The following RXFP2 variants were observed in gnomAD, a reference collection of about 807,000 sequenced individuals.
RXFP2 encodes relaxin family peptide receptor 2, also known as relaxin receptor 2.
In RXFP2, 68 loss-of-function variants were observed where a neutral mutation model predicts 88.6. The observed-to-expected ratio is 0.77, with a 90% CI of 0.63 to 0.94. The LOEUF (loss-of-function observed/expected upper bound fraction) is 0.94, where lower values mean the gene tolerates loss of function less well. Among genes scored for constraint, RXFP2 ranks in the 40% least tolerant of loss-of-function variants. RXFP2 has a pLI of 0.00. For synonymous variants in RXFP2, 329 were observed against 306.8 expected (o/e 1.07, Z -0.76); for missense variants, 791 against 893.9 (o/e 0.88, Z 1.47).
intron 13 of RXFP2, among the ~76,000 whole-genome samples, chr13:31,787,937 G>A (rs778332498): frequency 3.3e-5 from 5 of 152,188 alleles, no homozygotes; most frequent in African/African-American, 7.2e-5. Flanking sequence ...CACCGTGCCT[G>A]CCCAGTCTTT....
chr13:31,768,305 C>T (rs987254264), intron 5 of RXFP2, among the ~76,000 whole-genome samples: 8 of 152,198 alleles, frequency 5.3e-5, no homozygotes, highest in Non-Finnish European at 1.0e-4. Context: ...ATGAGACTCT[C>T]ATCAATAAAC....
chr13:31,741,263 C>T (rs756402255), intron 1 of RXFP2, among the ~76,000 whole-genome samples: 1 of 152,008 alleles, frequency 6.6e-6, no homozygotes, highest in Admixed American at 6.5e-5. Context: ...ACCAACCTAA[C>T]AAATATTTAT....
chr13:31,790,651 C>T (rs754645223), intron 14 of RXFP2, among the ~76,000 whole-genome samples: 2 of 152,098 alleles, frequency 1.3e-5, no homozygotes, highest in Non-Finnish European at 2.9e-5. Context: ...CTTTGGGAAC[C>T]AGAGAGTAAA....
At chr13:31,764,459 T>A (rs1872458196) in intron 3 of RXFP2, among the ~76,000 whole-genome samples, 1 of 152,216 alleles carries the variant, frequency 6.6e-6, no homozygotes, top group African/African-American at 2.4e-5. Flanking sequence ...GCTTTGCAGC[T>A]TTTTACCTTC....
chr13:31,777,571 C>G (rs1482130055), intron 8 of RXFP2, 124 bp downstream of exon 8: 1 of 700,400 alleles, frequency 1.4e-6, no homozygotes, highest in Non-Finnish European at 2.5e-6. Flanking sequence ...AAAACTTCTC[C>G]TGTGTTTCCA....
At chr13:31,800,184 G>A (rs9549181) in intron 17 of RXFP2, among the ~76,000 whole-genome samples, 21,859 of 152,050 alleles carry the variant, frequency 0.14, 1,553 homozygotes, top group Middle Eastern at 0.19. Context: ...AACCAACCCT[G>A]TCCCCACCCT....
At chr13:31,777,912 T>G (rs888137771) in intron 8 of RXFP2, among the ~76,000 whole-genome samples, 3 of 152,228 alleles carry the variant, frequency 2.0e-5, no homozygotes. Flanking sequence ...TTTCACTGTT[T>G]ATTAATACAC....
At chr13:31,782,380 A>G (rs991368733) in intron 10 of RXFP2, among the ~76,000 whole-genome samples, 2 of 152,228 alleles carry the variant, frequency 1.3e-5, no homozygotes, top group Non-Finnish European at 2.9e-5. Context: ...ATTGGAAAAA[A>G]GAATGGAAAA....
At chr13:31,782,814 T>A in intron 11 of RXFP2, 67 bp downstream of exon 11, 1 of 1,024,258 alleles carries the variant, frequency 9.8e-7, no homozygotes, top group Non-Finnish European at 1.5e-6. Flanking sequence ...AAATGACTAG[T>A]GAGACTGCTT....
At chr13:31,743,970 G>T (rs1416969205) in intron 1 of RXFP2, among the ~76,000 whole-genome samples, 1 of 151,832 alleles carries the variant, frequency 6.6e-6, no homozygotes, top group Non-Finnish European at 1.5e-5. Context: ...CCCTAGATTC[G>T]CCCCCTTAAG....
chr13:31,763,668 A>T (rs982515946), intron 3 of RXFP2, among the ~76,000 whole-genome samples: 1 of 152,188 alleles, frequency 6.6e-6, no homozygotes, highest in Admixed American at 6.5e-5. Flanking sequence ...CCACAAAATC[A>T]TGGGGACATG....
At chr13:31,774,829 T>C in intron 6 of RXFP2, 138 bp downstream of exon 6, 2 of 676,806 alleles carry the variant, frequency 3.0e-6, no homozygotes, top group African/African-American at 3.6e-5. Flanking sequence ...GATTAGTTAT[T>C]ACACTGAAAG....
chr13:31,775,429 A>G, intron 7 of RXFP2, 40 bp downstream of exon 7: 1 of 1,381,366 alleles, frequency 7.2e-7, no homozygotes. Flanking sequence ...AGAGGATCAT[A>G]GTCTTGATGA....
intron 5 of RXFP2, 39 bp downstream of exon 5, chr13:31,766,066 C>A: frequency 1.2e-6 from 1 of 828,070 alleles, no homozygotes; most frequent in South Asian, 1.5e-5. Context: ...TAAAAAAAAT[C>A]CTCGTGGTGG....
intron 1 of RXFP2, among the ~76,000 whole-genome samples, chr13:31,743,528 A>G (rs1871294067): frequency 6.6e-6 from 1 of 152,120 alleles, no homozygotes; most frequent in African/African-American, 2.4e-5. Flanking sequence ...TTACAAAGTA[A>G]AAAGCCTTTA....
intron 7 of RXFP2, among the ~76,000 whole-genome samples, chr13:31,776,818 C>A (rs191397002): frequency 7.0e-4 from 107 of 152,244 alleles, no homozygotes; most frequent in African/African-American, 2.3e-3. Flanking sequence ...ACTCTAATTT[C>A]TTCTATAAAA....
Position 31,778,572 on chromosome 13 carries a change from A to G in RXFP2, c.774A>G (p.Gln258=). Reference sequence around the variant, plus strand: ...AGCAGATGTGTGCCCAAATGCCTCAACTCAACTGGGTGTGAGTATTTATTT... The same window carrying G: ...AGCAGATGTGTGCCCAAATGCCTCAGCTCAACTGGGTGTGAGTATTTATTT... The part of the protein sequence containing the change: ...LPKQMCAQMP[Q]LNWVDLEGNR... Residue 258 remains glutamine, a synonymous_variant, in exon 9 of 18, where the codon CAA becomes CAG. Coordinates refer to ENST00000298386, the MANE Select transcript of RXFP2 (RefSeq NM_130806.5). 1 of 1,607,786 alleles carries G rather than the reference A, an allele frequency of 6.2e-7. No individual in the cohort carries two copies. The highest frequency in any genetic ancestry group is 8.5e-7 in the Non-Finnish European group (1 of 1,174,380).
rs370831495 is a variant in RXFP2, at chr13:31,751,167, C to G, written c.95-7091C>G. 7.9e-5 allele frequency among the ~76,000 whole-genome samples: 12 copies of G among 152,204 alleles called. No homozygotes were observed. The South Asian group carries it at 1.7e-3, about 21-fold the overall frequency. ...ATTAGCTGAGTGTGTTGGCGCATGCCTGTAATTCCGGCTACTTGGGAGGCT... is the reference window on the plus strand; with the variant it reads ...ATTAGCTGAGTGTGTTGGCGCATGCGTGTAATTCCGGCTACTTGGGAGGCT... On this transcript the variant is annotated intron_variant, in intron 1 of 17. Transcript: ENST00000298386.
At chr13:31,754,237 G>T (rs1871817446) in intron 1 of RXFP2, among the ~76,000 whole-genome samples, 1 of 152,144 alleles carries the variant, frequency 6.6e-6, no homozygotes, top group South Asian at 2.1e-4. Flanking sequence ...AGCCCTCAAA[G>T]AACTCACAGT....
Sources: gnomAD v4.1 joint callset for allele counts (sites outside exome capture counted in the v4.1 genomes callset) on GRCh38, gnomAD v4.1.1 for gene constraint, MANE v1.5 for transcripts, NCBI Gene and HGNC (gene_info 2026-07-23, HGNC 2026-07-21) for gene names.